PLEKHA7: variants seen among roughly 807,000 people sequenced by gnomAD.
PLEKHA7 encodes pleckstrin homology domain-containing family A member 7.
Under a neutral mutation model 170.0 loss-of-function variants are expected in PLEKHA7, and 104 were observed. The ratio of observed to expected loss-of-function variants is 0.61; its 90% CI spans 0.52 to 0.72. The LOEUF (loss-of-function observed/expected upper bound fraction) is 0.72, where lower values mean the gene tolerates loss of function less well. Ranked by LOEUF, PLEKHA7 falls within the 30% of genes least tolerant of loss-of-function variation. The pLI is 0.00. For missense variants in PLEKHA7, 1,615 were observed against 1,671.7 expected (o/e 0.97, Z 0.59); for synonymous variants, 648 against 660.8 (o/e 0.98, Z 0.30).
chr11:16,937,877 G>A (rs1860419772), intron 3 of PLEKHA7, among the ~76,000 whole-genome samples: 1 of 152,054 alleles, frequency 6.6e-6, no homozygotes, highest in South Asian at 2.1e-4. Context: ...CAAAGTGTTG[G>A]GATTACAGGT....
At chr11:16,921,093 G>T (rs1054485702) in intron 3 of PLEKHA7, among the ~76,000 whole-genome samples, 1 of 152,114 alleles carries the variant, frequency 6.6e-6, no homozygotes, top group Non-Finnish European at 1.5e-5. Context: ...TTCGCAGGGC[G>T]TTTTTTTGTT....
intron 4 of PLEKHA7, among the ~76,000 whole-genome samples, chr11:16,870,641 C>CAA (rs11321089): frequency 1.7e-3 from 186 of 110,752 alleles, no homozygotes; most frequent in African/African-American, 6.1e-3. Flanking sequence ...GACCCTGCCT[C>CAA]AAAAAAAAAA....
intron 3 of PLEKHA7, among the ~76,000 whole-genome samples, chr11:16,935,277 TACA>T (rs577500012): frequency 6.6e-6 from 1 of 152,026 alleles, no homozygotes; most frequent in Non-Finnish European, 1.5e-5. Context: ...TCCACAAAAA[TACA>T]ACATTAGCTG....
At chr11:16,855,215 GA>G (rs534483274) in intron 5 of PLEKHA7, among the ~76,000 whole-genome samples, 4 of 150,076 alleles carry the variant, frequency 2.7e-5, no homozygotes, top group Admixed American at 6.6e-5. Flanking sequence ...CTGGGTCACT[GA>G]AAAAAAAAAT....
In PLEKHA7 at chr11:16,791,988, C is replaced by T. The variant is rs1023885636; in HGVS notation, c.2746-789G>A. ...CCTCCTAAATTCCCTCTTTCTCGGT[C>T]TAATTTGGTTTTGTTTTTAAGAATT... On this transcript the variant is annotated intron_variant, in intron 19 of 26. Coordinates refer to ENST00000531066, the MANE Select transcript of PLEKHA7 (RefSeq NM_001329630.2). The surrounding 1 kb of genome is among the most constrained non-coding windows in gnomAD (Gnocchi z 4.5). 3.9e-5 allele frequency among the ~76,000 whole-genome samples: 6 copies of T among 152,154 alleles called. No individual in the cohort carries two copies. Among genetic ancestry groups the T allele is most frequent in the Non-Finnish European group, 8.8e-5 (6 of 68,038 alleles).
At chr11:16,786,942 G>A in intron 23 of PLEKHA7, 1 of 985,350 alleles carries the variant, frequency 1.0e-6, no homozygotes, top group Non-Finnish European at 1.2e-6. Flanking sequence ...AGCCAATGAG[G>A]CAGAAAAACT....
intron 3 of PLEKHA7, among the ~76,000 whole-genome samples, chr11:16,889,420 A>AAAAAAAAAAAAATATAT (rs61086849): frequency 8.0e-5 from 6 of 74,664 alleles, no homozygotes; most frequent in Non-Finnish European, 1.2e-4. Context: ...AAAAAAAAAA[A>AAAAAAAAAAAAATATAT]ATATATATAT....
chr11:16,930,399 T>C (rs1010016555), intron 3 of PLEKHA7, among the ~76,000 whole-genome samples: 2 of 152,156 alleles, frequency 1.3e-5, no homozygotes, highest in Admixed American at 6.5e-5. Context: ...TGAGCTATGA[T>C]TGTGCCACTT....
chr11:16,779,972 A>T (rs894166590), intron 26 of PLEKHA7, among the ~76,000 whole-genome samples: 1 of 55,552 alleles, frequency 1.8e-5, no homozygotes, highest in Non-Finnish European at 3.8e-5. Flanking sequence ...TTCATCTCTA[A>T]AACGGGGAGG....
chr11:16,794,842 A>T, intron 18 of PLEKHA7, 68 bp downstream of exon 18: 1 of 1,315,136 alleles, frequency 7.6e-7, no homozygotes, highest in Non-Finnish European at 1.1e-6. Context: ...CCTGGTTCCC[A>T]GCCTTCCACC....
intron 13 of PLEKHA7, among the ~76,000 whole-genome samples, chr11:16,809,224 A>C (rs1267426834): frequency 6.6e-6 from 1 of 152,178 alleles, no homozygotes; most frequent in African/African-American, 2.4e-5. Flanking sequence ...CCCCAGCAGG[A>C]ACGCTCACTT....
intron 3 of PLEKHA7, among the ~76,000 whole-genome samples, chr11:16,918,675 C>G (rs1328936583): frequency 6.6e-6 from 1 of 152,188 alleles, no homozygotes; most frequent in Non-Finnish European, 1.5e-5. Context: ...GAAGTGTAAA[C>G]TGGTGTAAAT....
At chr11:16,779,141 A>G in intron 26 of PLEKHA7, 121 bp from the exon 27 acceptor site, 1 of 686,068 alleles carries the variant, frequency 1.5e-6, no homozygotes, top group Non-Finnish European at 2.7e-6. Context: ...GGCTCTGGCA[A>G]TGCGGCCGCT....
intron 3 of PLEKHA7, among the ~76,000 whole-genome samples, chr11:17,012,477 G>A (rs1195365950): frequency 6.6e-6 from 1 of 152,112 alleles, no homozygotes; most frequent in Non-Finnish European, 1.5e-5. Context: ...TACTTTAAAT[G>A]TTGCCTATTC....
At chr11:16,799,423 GA>G (rs1025503172) in intron 17 of PLEKHA7, among the ~76,000 whole-genome samples, 3 of 152,226 alleles carry the variant, frequency 2.0e-5, no homozygotes, top group Admixed American at 6.5e-5. Flanking sequence ...CAGAAAGGGA[GA>G]GGGGGAAGAG....
At chr11:16,820,780 C>A (rs185564784) in intron 10 of PLEKHA7, among the ~76,000 whole-genome samples, 1 of 152,336 alleles carries the variant, frequency 6.6e-6, no homozygotes, top group Non-Finnish European at 1.5e-5. Context: ...ACTAGCTGCA[C>A]CTCAAATCCC....
chr11:16,840,948 A>G (rs1041463749), intron 9 of PLEKHA7, among the ~76,000 whole-genome samples: 1 of 152,164 alleles, frequency 6.6e-6, no homozygotes, highest in Non-Finnish European at 1.5e-5. Flanking sequence ...TCATTGAAAG[A>G]ACACTGTCAA....
chr11:16,888,666 T>A (rs1196143887), intron 3 of PLEKHA7, among the ~76,000 whole-genome samples: 2 of 151,914 alleles, frequency 1.3e-5, no homozygotes, highest in Non-Finnish European at 2.9e-5. Flanking sequence ...TTAAGAGTCA[T>A]CACCACTCCC....
chr11:16,793,550 G>A (rs1220270675), intron 19 of PLEKHA7, among the ~76,000 whole-genome samples: 1 of 152,190 alleles, frequency 6.6e-6, no homozygotes, highest in Admixed American at 6.5e-5. Flanking sequence ...CACACACAAT[G>A]CCCAGGTAAG....
Sources: gnomAD v4.1 joint callset for allele counts (sites outside exome capture counted in the v4.1 genomes callset) on GRCh38, gnomAD v4.1.1 for gene constraint, Gnocchi (gnomAD v3.1) non-coding constraint, MANE v1.5 for transcripts, NCBI Gene and HGNC (gene_info 2026-07-23, HGNC 2026-07-21) for gene names.